Variants in SLC1A3 observed in about 807,000 individuals in gnomAD.
SLC1A3 encodes solute carrier family 1 member 3.
A neutral mutation model predicts 48.1 loss-of-function variants in SLC1A3; 21 were observed. That is an observed-to-expected ratio of 0.44 (90% confidence interval 0.31 to 0.63). SLC1A3 has a LOEUF of 0.63. Ranked by LOEUF, SLC1A3 falls within the 20% of genes least tolerant of loss-of-function variation. The pLI is 0.08. For synonymous variants in SLC1A3, 239 were observed against 251.4 expected (o/e 0.95, Z 0.47); for missense variants, 546 against 689.0 (o/e 0.79, Z 2.32).
chr5:36,615,468 C>A (rs1223778780), intron 2 of SLC1A3, among the ~76,000 whole-genome samples: 1 of 152,202 alleles, frequency 6.6e-6, no homozygotes, highest in African/African-American at 2.4e-5. Context: ...TCTGGCTGGT[C>A]TCTCCAGTCT....
At chr5:36,614,062 C>T (rs1201892510) in intron 2 of SLC1A3, among the ~76,000 whole-genome samples, 8 of 152,148 alleles carry the variant, frequency 5.3e-5, no homozygotes, top group Non-Finnish European at 5.9e-5. Context: ...TGGAGTCAGA[C>T]AGCCTAGGTT....
chr5:36,597,340 G>A (rs1738756260), intron 1 of SLC1A3, among the ~76,000 whole-genome samples: 1 of 132,688 alleles, frequency 7.5e-6, no homozygotes, highest in South Asian at 2.7e-4. Context: ...TCCGCCTCCC[G>A]GGTTCACGCC....
At chr5:36,628,988 GA>G in intron 2 of SLC1A3, among the ~76,000 whole-genome samples, 1 of 149,950 alleles carries the variant, frequency 6.7e-6, no homozygotes, top group East Asian at 2.0e-4. Context: ...TTTCTAACTG[GA>G]AAAAAAAATA....
At chr5:36,620,620 CAT>C (rs1347303252) in intron 2 of SLC1A3, among the ~76,000 whole-genome samples, 2 of 152,142 alleles carry the variant, frequency 1.3e-5, no homozygotes, top group East Asian at 1.9e-4. Flanking sequence ...GAAAATAAGA[CAT>C]GTTTGTTCAT....
chr5:36,654,960 A>G lies in SLC1A3; in HGVS notation c.320-16069A>G, dbSNP rs1200176533. 4.6e-5 allele frequency among the ~76,000 whole-genome samples: 7 copies of G among 152,216 alleles called. No individual in the cohort carries two copies. In the South Asian group the frequency reaches 1.5e-3, roughly 32 times the overall value. The stretch of plus-strand genomic sequence containing the variant: ...TTGTAGTAATTCCTGTTTGGTTCTT[A>G]AGAACACAAACTTCTGGAGCTACCA... On this transcript the variant is annotated intron_variant, in intron 3 of 9. Coordinates refer to ENST00000265113, the MANE Select transcript of SLC1A3 (RefSeq NM_004172.5).
chr5:36,637,454 T>G (rs1740440576), intron 3 of SLC1A3, among the ~76,000 whole-genome samples: 1 of 152,370 alleles, frequency 6.6e-6, no homozygotes, highest in South Asian at 2.1e-4. Context: ...TTTGCTAATT[T>G]CAGCAGCTTC....
At chr5:36,665,059 C>G (rs1741683115) in intron 3 of SLC1A3, among the ~76,000 whole-genome samples, 1 of 152,126 alleles carries the variant, frequency 6.6e-6, no homozygotes, top group Admixed American at 6.5e-5. Context: ...ACTCTTTCCC[C>G]ACAAGGTTTG....
intron 3 of SLC1A3, among the ~76,000 whole-genome samples, chr5:36,656,512 A>G (rs768439113): frequency 6.6e-6 from 1 of 152,162 alleles, no homozygotes; most frequent in Non-Finnish European, 1.5e-5. Context: ...CCTTTACATC[A>G]TGTGTGGTTG....
At chr5:36,603,652 A>G (rs1191126065), upstream of SLC1A3, among the ~76,000 whole-genome samples, 1 of 152,168 alleles carries the variant, frequency 6.6e-6, no homozygotes, top group African/African-American at 2.4e-5. Context: ...AAAAATCAAA[A>G]CAAAATGGAA....
chr5:36,600,938 G>A (rs557828297), intron 1 of SLC1A3, among the ~76,000 whole-genome samples: 9 of 152,230 alleles, frequency 5.9e-5, no homozygotes, highest in South Asian at 4.1e-4. Context: ...AGTTTCCACC[G>A]TTCACCCTGT....
intron 3 of SLC1A3, chr5:36,629,903 G>A (rs935378571): frequency 2.6e-5 from 10 of 384,002 alleles, no homozygotes; most frequent in Admixed American, 1.1e-4. Flanking sequence ...TGACAACAGC[G>A]TACAACAGGT....
chr5:36,654,226 A>G (rs979412375), intron 3 of SLC1A3, among the ~76,000 whole-genome samples: 2 of 152,210 alleles, frequency 1.3e-5, no homozygotes, highest in East Asian at 1.9e-4. Flanking sequence ...AGGGGCTGTT[A>G]GGAAACACAG....
intron 3 of SLC1A3, among the ~76,000 whole-genome samples, chr5:36,639,750 G>A (rs1740537183): frequency 1.3e-5 from 2 of 151,958 alleles, no homozygotes; most frequent in South Asian, 4.2e-4. Flanking sequence ...TTTATTACTC[G>A]GGTGGTGCAT....
At chr5:36,671,550 C>A (rs1399702209) in intron 4 of SLC1A3, among the ~76,000 whole-genome samples, 1 of 152,178 alleles carries the variant, frequency 6.6e-6, no homozygotes, top group Non-Finnish European at 1.5e-5. Context: ...ACCTATTTTT[C>A]TTAACTGCTG....
At chr5:36,628,297 A>G (rs1438960333) in intron 2 of SLC1A3, among the ~76,000 whole-genome samples, 1 of 152,180 alleles carries the variant, frequency 6.6e-6, no homozygotes, top group African/African-American at 2.4e-5. Flanking sequence ...TGACAATTCA[A>G]ATGAACTTTG....
chr5:36,598,716 G>A lies in SLC1A3; in HGVS notation c.-96+2038G>A, dbSNP rs1738771581. On this transcript the variant is annotated intron_variant, in intron 1 of 9. Coordinates refer to the SLC1A3 transcript ENST00000680318. ...AGCTCTCTGCAGCCTTGACCTCCCG[G>A]GCTCAAGTGATCTTCCCATCTCAGG... is the stretch of plus-strand genomic sequence containing the variant. Among the ~76,000 whole-genome samples the A allele has an allele frequency of 2.0e-5, 3 of 152,228 alleles. 1 individual carries two copies. The South Asian group carries it at 6.2e-4, about 32-fold the overall frequency.
chr5:36,626,597 T>C (rs1739913705), intron 2 of SLC1A3, among the ~76,000 whole-genome samples: 1 of 152,212 alleles, frequency 6.6e-6, no homozygotes, highest in Non-Finnish European at 1.5e-5. Flanking sequence ...TATAATTGAA[T>C]GTCAAGTGTT....
intron 3 of SLC1A3, among the ~76,000 whole-genome samples, chr5:36,663,010 GA>G (rs1490577901): frequency 1.3e-5 from 2 of 152,168 alleles, no homozygotes; most frequent in Non-Finnish European, 2.9e-5. Flanking sequence ...CATTGCTTCC[GA>G]ATTAAAGTTC....
At position 36,621,113 on chromosome 5, in the gene SLC1A3, C is replaced by T. The variant is rs370134431; in HGVS notation, c.182-8337C>T. ...TAGAGAGGGGGTTTCACCATCTTGG[C>T]CTGGCAGGTCTCCAACTCCTGACCT... On this transcript the variant is annotated intron_variant, in intron 2 of 9. Coordinates refer to ENST00000265113, the MANE Select transcript of SLC1A3 (RefSeq NM_004172.5). Among the ~76,000 whole-genome samples the T allele has an allele frequency of 8.3e-4, 127 of 152,220 alleles. 1 individual carries two copies. Among genetic ancestry groups the T allele is most frequent in the African/African-American group, 2.9e-3 (119 of 41,516 alleles).
Sources: gnomAD v4.1 joint callset for allele counts (sites outside exome capture counted in the v4.1 genomes callset) on GRCh38, gnomAD v4.1.1 for gene constraint, MANE v1.5 for transcripts, NCBI Gene and HGNC (gene_info 2026-07-23, HGNC 2026-07-21) for gene names.